Variants in NAV3 observed in about 807,000 individuals in gnomAD.
NAV3 encodes neuron navigator 3.
In NAV3, 87 loss-of-function variants were observed where a neutral mutation model predicts 244.7. The ratio of observed to expected loss-of-function variants is 0.36; its 90% CI spans 0.30 to 0.42. The LOEUF (loss-of-function observed/expected upper bound fraction) is 0.42. Ranked by LOEUF, NAV3 falls within the 20% of genes least tolerant of loss-of-function variation. The probability of loss-of-function intolerance (pLI) is 1.00; values close to 1 mark genes in which losing one functional copy is unlikely to be tolerated. For missense variants in NAV3, 2,663 were observed against 2,893.3 expected (o/e 0.92, Z 1.83); for synonymous variants, 1,126 against 1,042.2 (o/e 1.08, Z -1.55).
intron 12 of NAV3, among the ~76,000 whole-genome samples, chr12:78,087,495 T>G (rs1349790796): frequency 6.6e-6 from 1 of 151,908 alleles, no homozygotes; most frequent in East Asian, 1.9e-4. Flanking sequence ...CAGCAAGAAA[T>G]GAGTATTTCA....
At position 78,150,629 on chromosome 12, in the gene NAV3, C is replaced by CCACACA. The variant is rs765969323; in HGVS notation, c.4785+1711_4785+1712insACACAC. 5.7e-3 allele frequency among the ~76,000 whole-genome samples: 693 copies of CCACACA among 122,630 alleles called. 3 individuals carry two copies. Among genetic ancestry groups the CCACACA allele is most frequent in the Middle Eastern group, 8.8e-3 (2 of 228 alleles). The allele number at this position is 122,630 out of a possible 152,430, so 80.5% of individuals were successfully genotyped here. A position where few individuals can be genotyped will look rare whatever the true frequency, so the allele number is the denominator to read the frequency against. On this transcript the variant is annotated intron_variant, in intron 22 of 39. Coordinates refer to ENST00000397909, the MANE Select transcript of NAV3 (RefSeq NM_001024383.2). ...ACTTAATACACACGTGCAAAAGCTT[C>CCACACA]CTCACACACACACACACACACACAC...
intron 38 of NAV3, among the ~76,000 whole-genome samples, chr12:78,202,895 G>A (rs1594036996): frequency 1.3e-5 from 2 of 152,188 alleles, no homozygotes; most frequent in South Asian, 2.1e-4. Flanking sequence ...GGATTTACTG[G>A]CAACAAAGAA....
At chr12:77,882,151 G>A (rs140284884) in intron 1 of NAV3, among the ~76,000 whole-genome samples, 1 of 152,148 alleles carries the variant, frequency 6.6e-6, no homozygotes, top group African/African-American at 2.4e-5. Flanking sequence ...AAAGCAGAAG[G>A]CATCACACTA....
chr12:77,903,220 A>G (rs1885528911), intron 1 of NAV3, among the ~76,000 whole-genome samples: 1 of 152,212 alleles, frequency 6.6e-6, no homozygotes, highest in South Asian at 2.1e-4. Flanking sequence ...AGCTGGAGGC[A>G]TCACGCTACC....
chr12:78,128,754 G>C lies in NAV3; in HGVS notation c.4329G>C (p.Trp1443Cys), dbSNP rs560071209. 2 of 1,613,946 alleles carry C rather than the reference G, an allele frequency of 1.2e-6. No individual in the cohort carries two copies. The highest frequency in any genetic ancestry group is 1.7e-6 in the Non-Finnish European group (2 of 1,179,986). Residue 1443 changes from tryptophan (W) to cysteine (C), a missense_variant, in exon 18 of 40, where the codon TGG becomes TGC. Trp to Cys is a radical substitution (Grantham distance 215). This residue lies in a region of NAV3 where 354 missense variants were observed against 413.0 expected (regional missense o/e 0.86). Coordinates refer to ENST00000397909, the MANE Select transcript of NAV3 (RefSeq NM_001024383.2). ...CCAACCAAGAAGAGGGCAAAGAGTG[G>C]TTGCGTTCTCATTCTACTGGAGGGC... The part of the protein sequence containing the change: ...RQANQEEGKE[W>C]LRSHSTGGLQ...
intron 2 of NAV3, among the ~76,000 whole-genome samples, chr12:77,702,892 T>G (rs1186061947): frequency 2.0e-5 from 3 of 151,984 alleles, no homozygotes; most frequent in Non-Finnish European, 4.4e-5. Flanking sequence ...GTAAATCTGA[T>G]TTTTCCTCTG....
rs759190677 is a variant in NAV3, at chr12:77,976,643, A to ATTCTTTCT, written c.671+7960_671+7967dup. 1.8e-3 allele frequency among the ~76,000 whole-genome samples: 209 copies of ATTCTTTCT among 115,136 alleles called. 2 individuals are homozygous for ATTCTTTCT. Among genetic ancestry groups the ATTCTTTCT allele is most frequent in the Middle Eastern group, 0.01 (2 of 198 alleles). The allele number at this position is 115,136 out of a possible 152,430, so 75.5% of individuals were successfully genotyped here. ...GGCAATCCTATGATGTGTATACTGT[A>ATTCTTTCT]TTCTTTCTTTCTTTCTTTCTTTCTT... On this transcript the variant is annotated intron_variant, in intron 5 of 39. Transcript: ENST00000397909.
chr12:77,967,432 G>A (rs1892616613), intron 4 of NAV3, among the ~76,000 whole-genome samples: 1 of 151,954 alleles, frequency 6.6e-6, no homozygotes, highest in Non-Finnish European at 1.5e-5. Flanking sequence ...AATGTTTGGG[G>A]GAAAAATAGA....
chr12:77,710,545 T>C (rs1316394978), intron 2 of NAV3, among the ~76,000 whole-genome samples: 9 of 152,230 alleles, frequency 5.9e-5, no homozygotes, highest in Non-Finnish European at 1.3e-4. Context: ...ATTTGATTTA[T>C]GCACGTTCTC....
chr12:77,644,965 G>A (rs1332128999), intron 2 of NAV3, among the ~76,000 whole-genome samples: 1 of 152,050 alleles, frequency 6.6e-6, no homozygotes, highest in Non-Finnish European at 1.5e-5. Context: ...GTTCGTTATG[G>A]CTTTACCCAA....
intron 2 of NAV3, among the ~76,000 whole-genome samples, chr12:77,788,624 T>TA (rs34807911): frequency 4.0e-5 from 6 of 150,848 alleles, no homozygotes; most frequent in African/African-American, 1.5e-4. Flanking sequence ...TTTTTTTTTC[T>TA]AAAAAAAGAC....
chr12:78,029,280 T>C (rs775727580), intron 9 of NAV3, among the ~76,000 whole-genome samples: 4 of 152,134 alleles, frequency 2.6e-5, no homozygotes, highest in Non-Finnish European at 5.9e-5. Context: ...AGTTGTTCAT[T>C]CATTGAACAT....
At chr12:77,991,128 C>T (rs1353740879) in intron 5 of NAV3, among the ~76,000 whole-genome samples, 2 of 152,074 alleles carry the variant, frequency 1.3e-5, no homozygotes, top group Non-Finnish European at 2.9e-5. Flanking sequence ...TGGGTTCAAG[C>T]AATTCTCCTG....
intron 7 of NAV3, among the ~76,000 whole-genome samples, chr12:78,000,612 A>T (rs111677363): frequency 0.031 from 4,056 of 132,198 alleles, 105 homozygotes; most frequent in African/African-American, 0.077. Context: ...CACGCCATTC[A>T]CCTGCCTCAG....
chr12:78,059,285 G>GTTTT (rs1883971190), intron 12 of NAV3, among the ~76,000 whole-genome samples, 170 bp downstream of exon 12: 1 of 151,676 alleles, frequency 6.6e-6, no homozygotes, highest in African/African-American at 2.4e-5. Context: ...TTGTTTGTTT[G>GTTTT]TTTTCGTTTT....
intron 34 of NAV3, 115 bp from the exon 35 acceptor site, chr12:78,197,132 G>T: frequency 1.5e-6 from 1 of 684,284 alleles, no homozygotes. Flanking sequence ...AATAATCTAT[G>T]ACTTTAATGA....
intron 2 of NAV3, among the ~76,000 whole-genome samples, chr12:77,787,268 C>T (rs1565813765): frequency 6.6e-6 from 1 of 152,202 alleles, no homozygotes; most frequent in East Asian, 1.9e-4. Context: ...CATAAGCTTC[C>T]ACCTACTAAC....
In NAV3 at chr12:78,050,766, C is replaced by T. The variant is rs761735304; in HGVS notation, c.2135C>T (p.Thr712Ile). 6.3e-7 allele frequency: 1 copy of T among 1,590,620 alleles called. No individual in the cohort carries two copies. The highest frequency in any genetic ancestry group is 8.6e-7 in the Non-Finnish European group (1 of 1,164,100). Residue 712 changes from threonine to isoleucine, a missense_variant and splice_region_variant, in exon 11 of 40, where the codon ACC becomes ATC. Thr to Ile is a moderately conservative substitution (Grantham distance 89, BLOSUM62 -1). Around this residue, in one of 6 missense-constraint regions of NAV3, gnomAD observed 1,521 missense variants for 1,497.0 expected, o/e 1.02. Transcript: ENST00000397909. ...TATTTCTCCATTTTATTTGACAGCA[C>T]CCTGGAGACAACATTTGACAGCACT... ...SLRGTQISHSTLETTFDSTVT... is the reference protein window; with the variant it reads ...SLRGTQISHSILETTFDSTVT...
chr12:77,998,494 C>A lies in NAV3; in HGVS notation c.880+18C>A, dbSNP rs532173821. The A allele has an allele frequency of 8.2e-6, 13 of 1,584,682 alleles. No homozygotes were observed. Among genetic ancestry groups the A allele is most frequent in the Non-Finnish European group, 1.1e-5 (13 of 1,168,268 alleles). On this transcript the variant is annotated intron_variant, in intron 7 of 39. Transcript: ENST00000397909. ...CGAAAAAGGTAAGTGTTTGTTACATCATTATGACACAAGTCCAACATGAGT... is the reference window on the plus strand; with the variant it reads ...CGAAAAAGGTAAGTGTTTGTTACATAATTATGACACAAGTCCAACATGAGT...
Sources: gnomAD v4.1 joint callset for allele counts (sites outside exome capture counted in the v4.1 genomes callset) on GRCh38, gnomAD v4.1.1 for gene constraint, gnomAD v4.1.1 regional missense constraint, MANE v1.5 for transcripts, NCBI Gene and HGNC (gene_info 2026-07-23, HGNC 2026-07-21) for gene names.